The following ACSL3 variants were observed in gnomAD, a reference collection of about 807,000 sequenced individuals.
ACSL3 encodes the protein acyl-CoA synthetase long chain family member 3.
ACSL3 carries 34 observed loss-of-function variants against 84.7 expected under a neutral mutation model. The observed-to-expected ratio is 0.40, with a 90% CI of 0.31 to 0.53. The LOEUF (loss-of-function observed/expected upper bound fraction) is 0.53, where lower values mean the gene tolerates loss of function less well. ACSL3 is among the 20% of genes least tolerant of loss of function. ACSL3 has a pLI of 0.48. For synonymous variants in ACSL3, 315 were observed against 299.4 expected, an observed-to-expected ratio of 1.05 and a Z score of -0.54; for missense variants, 680 against 873.1, an observed-to-expected ratio of 0.78 and a Z score of 2.79.
intron 2 of ACSL3, among the ~76,000 whole-genome samples, chr2:222,893,406 A>G (rs1350304016): frequency 6.6e-6 from 1 of 152,102 alleles, no homozygotes; most frequent in Non-Finnish European, 1.5e-5. Flanking sequence ...TAGACAGTGT[A>G]CATGTCTTAG....
At chr2:222,883,815 C>T (rs1695655582) in intron 1 of ACSL3, among the ~76,000 whole-genome samples, 1 of 152,010 alleles carries the variant, frequency 6.6e-6, no homozygotes, top group African/African-American at 2.4e-5. Context: ...CTTGCTTTTG[C>T]TCTTCTTTAT....
chr2:222,928,849 A>G lies in ACSL3; in HGVS notation c.1466-13A>G, dbSNP rs1166347235. ...ACTGTTCTCAAATATCCTTTTTTTC[A>G]TTTAATTCCTAGTGTGGGACTACAA... On this transcript the variant is annotated splice_polypyrimidine_tract_variant and intron_variant, in intron 12 of 16. Transcript: ENST00000357430. The G allele has an allele frequency of 6.2e-7, 1 of 1,606,292 alleles. No individual in the cohort carries two copies. The highest frequency in any genetic ancestry group is 1.3e-5 in the African/African-American group (1 of 74,470).
Position 222,927,234 on chromosome 2 carries a change from T to G in ACSL3, c.1465+45T>G. 2.5e-6 allele frequency: 4 copies of G among 1,591,312 alleles called. 1 individual carries two copies. Among genetic ancestry groups the G allele is most frequent in the Non-Finnish European group, 8.6e-7 (1 of 1,163,110 alleles). On this transcript the variant is annotated intron_variant, in intron 12 of 16. Coordinates refer to ENST00000357430, the MANE Select transcript of ACSL3 (RefSeq NM_004457.5). ...GAGGCTGGAGTGTGATGCCAGACGT[T>G]TTTTTGGGGTATGGGATATTTTCTG...
chr2:222,930,937 A>G (rs978140981), intron 14 of ACSL3, 125 bp downstream of exon 14: 1 of 817,314 alleles, frequency 1.2e-6, no homozygotes, highest in African/African-American at 1.7e-5. Flanking sequence ...GGGTTGTTGC[A>G]TCACTCCTGG....
intron 1 of ACSL3, among the ~76,000 whole-genome samples, chr2:222,882,459 CAG>C (rs1341632190): frequency 1.3e-5 from 2 of 151,958 alleles, no homozygotes; most frequent in Non-Finnish European, 2.9e-5. Context: ...TTTCCATGGA[CAG>C]GGGTCGAGGA....
chr2:222,935,612 T>C lies in ACSL3; in HGVS notation c.2005+925T>C, dbSNP rs149233646. ...TGCCTTATTGGTTTTGCTCATAGTG[T>C]ATATTCCTTTGGAAACCACTCCTGA... On this transcript the variant is annotated intron_variant, in intron 16 of 16. Transcript: ENST00000357430. 1.9e-4 allele frequency among the ~76,000 whole-genome samples: 29 copies of C among 152,358 alleles called. 1 individual carries two copies. The East Asian group carries it at 5.6e-3, about 29-fold the overall frequency.
At chr2:222,887,381 A>G (rs1470156226) in intron 1 of ACSL3, among the ~76,000 whole-genome samples, 2 of 152,204 alleles carry the variant, frequency 1.3e-5, no homozygotes, top group East Asian at 1.9e-4. Context: ...TCAAACTGCT[A>G]TGGACATGCA....
At chr2:222,931,385 A>G (rs923468847) in intron 14 of ACSL3, among the ~76,000 whole-genome samples, 2 of 150,510 alleles carry the variant, frequency 1.3e-5, no homozygotes, top group Non-Finnish European at 3.0e-5. Flanking sequence ...CTGCACTCCA[A>G]CCTGGGCAAC....
chr2:222,908,726 C>G lies in ACSL3; in HGVS notation c.-40-7C>G, dbSNP rs1696360287. On this transcript the variant is annotated splice_region_variant and splice_polypyrimidine_tract_variant and intron_variant, in intron 3 of 16. Coordinates refer to ENST00000357430, the MANE Select transcript of ACSL3 (RefSeq NM_004457.5). The stretch of plus-strand genomic sequence containing the variant: ...TGAACTAACGCCTTTCTTTTTCTTC[C>G]TCCTAGATTCTCGCTGAAGTCTGTT... The G allele has an allele frequency of 6.6e-7, 1 of 1,508,666 alleles. No individual in the cohort carries two copies. The highest frequency in any genetic ancestry group is 8.9e-7 in the Non-Finnish European group (1 of 1,127,282). 93.5% of individuals were successfully genotyped at this position (1,508,666 alleles called of 1,614,324 possible).
intron 1 of ACSL3, among the ~76,000 whole-genome samples, chr2:222,883,807 T>C (rs183761657): frequency 6.6e-6 from 1 of 152,318 alleles, no homozygotes; most frequent in Admixed American, 6.5e-5. Context: ...TTCTACCCCT[T>C]GCTTTTGCTC....
rs894717187 is a variant in ACSL3, at chr2:222,933,348, A to G, written c.1847+68A>G. The G allele has an allele frequency of 8.2e-6, 9 of 1,102,506 alleles. No homozygotes were observed. In the African/African-American group the frequency reaches 1.1e-4, roughly 14 times the overall value. 68.3% of individuals were successfully genotyped at this position (1,102,506 alleles called of 1,614,324 possible). A position where few individuals can be genotyped will look rare whatever the true frequency, so the allele number is the denominator to read the frequency against. ...ATGTCCATAGACATTTCCTACCTGT[A>G]TGGACCTTCTTTGTAAAAATGTTCC... is the stretch of plus-strand genomic sequence containing the variant. On this transcript the variant is annotated intron_variant, in intron 15 of 16. Coordinates refer to ENST00000357430, the MANE Select transcript of ACSL3 (RefSeq NM_004457.5).
chr2:222,889,373 G>A (rs999810868), intron 2 of ACSL3, among the ~76,000 whole-genome samples: 1 of 152,102 alleles, frequency 6.6e-6, no homozygotes, highest in African/African-American at 2.4e-5. Context: ...AATAAGACTC[G>A]TAGTCATGTT....
chr2:222,871,240 G>A (rs1695295268), intron 1 of ACSL3, among the ~76,000 whole-genome samples: 1 of 138,448 alleles, frequency 7.2e-6, no homozygotes, highest in Non-Finnish European at 1.6e-5. Context: ...CATTTGAGTT[G>A]GGAAAGGTGA....
intron 3 of ACSL3, among the ~76,000 whole-genome samples, chr2:222,907,600 A>G (rs540245778): frequency 5.2e-4 from 79 of 152,164 alleles, no homozygotes; most frequent in African/African-American, 1.7e-3. Flanking sequence ...GTCTCTACAA[A>G]AAAAATTTTG....
At chr2:222,939,023 T>A (rs192126237) in intron 16 of ACSL3, among the ~76,000 whole-genome samples, 1 of 152,318 alleles carries the variant, frequency 6.6e-6, no homozygotes, top group Non-Finnish European at 1.5e-5. Context: ...CTTGTTTTTT[T>A]TCAGGTGTCT....
chr2:222,882,109 C>T (rs1200993083), intron 1 of ACSL3, among the ~76,000 whole-genome samples: 1 of 152,160 alleles, frequency 6.6e-6, no homozygotes, highest in African/African-American at 2.4e-5. Flanking sequence ...AACTTCAGAT[C>T]ATTCTGGCTT....
chr2:222,912,291 G>T (rs530500884), intron 4 of ACSL3, among the ~76,000 whole-genome samples: 43 of 152,366 alleles, frequency 2.8e-4, no homozygotes, highest in African/African-American at 1.0e-3. Context: ...TCAGCTGCAT[G>T]TTAAACATGC....
chr2:222,890,252 G>A (rs972227135), intron 2 of ACSL3, among the ~76,000 whole-genome samples: 1 of 152,112 alleles, frequency 6.6e-6, no homozygotes, highest in Non-Finnish European at 1.5e-5. Flanking sequence ...GGCTTTTGGG[G>A]GTGGGAAGGG....
intron 2 of ACSL3, among the ~76,000 whole-genome samples, 195 bp downstream of exon 2, chr2:222,888,083 A>G (rs1695764941): frequency 6.6e-6 from 1 of 152,176 alleles, no homozygotes; most frequent in African/African-American, 2.4e-5. Context: ...ATTGAGCAGT[A>G]TTGTCTATCT....
Sources: gnomAD v4.1 joint callset for allele counts (sites outside exome capture counted in the v4.1 genomes callset) on GRCh38, gnomAD v4.1.1 for gene constraint, MANE v1.5 for transcripts, NCBI Gene and HGNC (gene_info 2026-07-23, HGNC 2026-07-21) for gene names.